CX3CR1: variants seen among roughly 807,000 people sequenced by gnomAD.
CX3CR1 encodes the protein CX3C chemokine receptor 1.
For missense variants in CX3CR1, 363 were observed against 432.4 expected, an observed-to-expected ratio of 0.84 and a Z score of 1.42; for synonymous variants, 168 against 178.5, an observed-to-expected ratio of 0.94 and a Z score of 0.47.
intron 1 of CX3CR1, among the ~76,000 whole-genome samples, chr3:39,275,343 G>GT: frequency 6.6e-6 from 1 of 152,310 alleles, no homozygotes; most frequent in East Asian, 1.9e-4. Flanking sequence ...CTGTGGGAAG[G>GT]TATGAGCCTA....
the CX3CR1 span, chr3:39,287,899 C>T: frequency 3.3e-5 from 5 of 152,186 alleles, no homozygotes; most frequent in African/African-American, 1.2e-4. Flanking sequence ...GGTGACATTT[C>T]ACCAAAGGAA....
chr3:39,264,689 A>AGG lies in CX3CR1; in HGVS notation c.*751_*752dup, dbSNP rs1420926773. 1 of 152,474 alleles carries AGG rather than the reference A, an allele frequency of 6.6e-6. No homozygotes were observed. The highest frequency in any genetic ancestry group is 1.9e-4 in the East Asian group (1 of 5,196). The allele number at this position is 152,474 out of a possible 1,614,324, so 9.4% of individuals were successfully genotyped here. ...TGCAGGTTTGGGGACATGATGGAAG[A>AGG]GGGCTTAATGAAGACGAGGCTGGTG... On this transcript the variant is annotated 3_prime_UTR_variant, in exon 2 of 2. Coordinates refer to ENST00000399220, the MANE Select transcript of CX3CR1 (RefSeq NM_001337.4).
chr3:39,291,309 C>T, the CX3CR1 span, among the ~76,000 whole-genome samples: 2 of 152,046 alleles, frequency 1.3e-5, no homozygotes, highest in East Asian at 1.9e-4. Context: ...CACCAGCCTC[C>T]GTCTCCCAAA....
chr3:39,281,134 G>A (rs2040893237), upstream of CX3CR1: 2 of 999,328 alleles, frequency 2.0e-6, no homozygotes, highest in African/African-American at 1.7e-5. Flanking sequence ...GGACAGAGCT[G>A]GGGGCTGCAG....
At chr3:39,270,825 TA>T (rs1324312849) in intron 1 of CX3CR1, among the ~76,000 whole-genome samples, 2 of 152,142 alleles carry the variant, frequency 1.3e-5, no homozygotes, top group Non-Finnish European at 2.9e-5. Flanking sequence ...AATTTTAAAA[TA>T]AAAATCAACA....
the CX3CR1 span, among the ~76,000 whole-genome samples, chr3:39,291,737 T>C: frequency 6.6e-6 from 1 of 152,122 alleles, no homozygotes; most frequent in African/African-American, 2.4e-5. Context: ...TCCTTTCAGG[T>C]GAGGAAACTG....
At chr3:39,279,225 T>C (rs891932613) in intron 1 of CX3CR1, among the ~76,000 whole-genome samples, 1 of 151,288 alleles carries the variant, frequency 6.6e-6, no homozygotes, top group African/African-American at 2.4e-5. Context: ...CCATAGATGG[T>C]ACAAAAAGTG....
chr3:39,273,575 A>C (rs920684700), intron 1 of CX3CR1, among the ~76,000 whole-genome samples: 3 of 152,172 alleles, frequency 2.0e-5, no homozygotes, highest in African/African-American at 4.8e-5. Flanking sequence ...AAAGCATTGG[A>C]CCAGACCACC....
chr3:39,272,370 C>T (rs1296439523), intron 1 of CX3CR1, among the ~76,000 whole-genome samples: 7 of 152,172 alleles, frequency 4.6e-5, no homozygotes, highest in Non-Finnish European at 7.3e-5. Flanking sequence ...TAAAATTCCC[C>T]ACTCACATCC....
chr3:39,266,442 A>G lies in CX3CR1; in HGVS notation c.68T>C (p.Ile23Thr), dbSNP rs750523600. Reference sequence around the variant, plus strand: ...AGTCCCAAAGACCACGATGTCCCCAATATAACAGGCCTCAGCCAAATCATC... The same window carrying G: ...AGTCCCAAAGACCACGATGTCCCCAGTATAACAGGCCTCAGCCAAATCATC... ...EYDDLAEACY[I>T]GDIVVFGTVF... The change falls in exon 2 of 2, where the codon ATT becomes ACT. Residue 23 changes from isoleucine to threonine, a missense_variant. Ile to Thr is a moderately conservative substitution (Grantham distance 89). Coordinates refer to ENST00000399220, the MANE Select transcript of CX3CR1 (RefSeq NM_001337.4). The G allele has an allele frequency of 6.8e-5, 109 of 1,614,224 alleles. No individual in the cohort carries two copies. Among genetic ancestry groups the G allele is most frequent in the Middle Eastern group, 3.3e-4 (2 of 6,062 alleles).
chr3:39,266,076 T>G lies in CX3CR1; in HGVS notation c.434A>C (p.His145Pro). 6.2e-7 allele frequency: 1 copy of G among 1,614,220 alleles called. No individual in the cohort carries two copies. Reference protein sequence around the residue: ...ANSMNNRTVQHGVTISLGVWA... With the variant: ...ANSMNNRTVQPGVTISLGVWA... ...GACGCCTAGGCTGATGGTGACGCCA[T>G]GCTGCACGGTCCGGTTGTTCATGGA... The change falls in exon 2 of 2, where the codon CAT becomes CCT. Residue 145 changes from histidine to proline, a missense_variant. By Grantham distance (77) the His-to-Pro change is moderately conservative. Transcript: ENST00000399220.
the CX3CR1 span, among the ~76,000 whole-genome samples, chr3:39,292,023 G>C: frequency 1.3e-5 from 2 of 152,242 alleles, no homozygotes; most frequent in African/African-American, 4.8e-5. Flanking sequence ...GAAAGCTTAG[G>C]GGCGCCCCCT....
the CX3CR1 span, chr3:39,286,766 G>A: frequency 6.6e-6 from 1 of 151,836 alleles, no homozygotes. Flanking sequence ...TCTCTCAGTT[G>A]GACAAACTTG....
chr3:39,273,278 T>A (rs751009655), intron 1 of CX3CR1, among the ~76,000 whole-genome samples: 13 of 152,070 alleles, frequency 8.5e-5, no homozygotes, highest in Non-Finnish European at 1.5e-4. Context: ...GAGTGGAAAA[T>A]GGAATGCGGG....
intron 1 of CX3CR1, among the ~76,000 whole-genome samples, chr3:39,273,680 C>T (rs773127291): frequency 1.3e-5 from 2 of 152,158 alleles, no homozygotes; most frequent in African/African-American, 2.4e-5. Flanking sequence ...GCTCTGTTGC[C>T]CAGGCTGGAG....
At chr3:39,267,749 A>G (rs1001386745) in intron 1 of CX3CR1, among the ~76,000 whole-genome samples, 2 of 152,146 alleles carry the variant, frequency 1.3e-5, no homozygotes, top group Non-Finnish European at 2.9e-5. Context: ...CCCTACGATT[A>G]CCAGCCCTAT....
At chr3:39,278,655 C>CTTTTTTTTTTTTTTTTT (rs55908068) in intron 1 of CX3CR1, among the ~76,000 whole-genome samples, 1 of 103,712 alleles carries the variant, frequency 9.6e-6, no homozygotes, top group African/African-American at 3.7e-5. Context: ...TTTTTCTTTT[C>CTTTTTTTTTTTTTTTTT]TTTTTTTTTT....
the CX3CR1 span, among the ~76,000 whole-genome samples, chr3:39,290,684 G>C: frequency 6.6e-5 from 10 of 152,290 alleles, no homozygotes; most frequent in East Asian, 1.9e-3. Context: ...CACTTTGGGA[G>C]GCCGAGGTGG....
chr3:39,279,917 C>T lies in CX3CR1; in HGVS notation c.-10+37G>A, dbSNP rs55871496. 3.2e-6 allele frequency: 3 copies of T among 946,570 alleles called. No homozygotes were observed. The African/African-American group carries it at 5.3e-5, about 17-fold the overall frequency. 58.6% of individuals were successfully genotyped at this position (946,570 alleles called of 1,614,324 possible). A position where few individuals can be genotyped will look rare whatever the true frequency, so the allele number is the denominator to read the frequency against. ...ACCTATTAGCTGTCCACTGCTCCAC[C>T]CCACCCACAGGTACCCAACTAGTCC... On this transcript the variant is annotated intron_variant, in intron 1 of 1. Coordinates refer to ENST00000399220, the MANE Select transcript of CX3CR1 (RefSeq NM_001337.4).
Sources: gnomAD v4.1 joint callset for allele counts (sites outside exome capture counted in the v4.1 genomes callset) on GRCh38, gnomAD v4.1.1 for gene constraint, MANE v1.5 for transcripts, NCBI Gene and HGNC (gene_info 2026-07-23, HGNC 2026-07-21) for gene names.